NRAP: variants seen among roughly 807,000 people sequenced by gnomAD.
NRAP encodes nebulin-related-anchoring protein.
Under a neutral mutation model 225.9 loss-of-function variants are expected in NRAP, and 189 were observed. The observed-to-expected ratio is 0.84, with a 90% CI of 0.74 to 0.94. The LOEUF (loss-of-function observed/expected upper bound fraction) is 0.94, where lower values mean the gene tolerates loss of function less well. Ranked by LOEUF, NRAP falls within the 40% of genes least tolerant of loss-of-function variation. The pLI, the probability that NRAP is intolerant of heterozygous loss-of-function variation, is 0.00. For missense variants in NRAP, 2,176 were observed against 2,168.7 expected, an observed-to-expected ratio of 1.00 and a Z score of -0.07; for synonymous variants, 769 against 790.7, an observed-to-expected ratio of 0.97 and a Z score of 0.46.
intron 11 of NRAP, among the ~76,000 whole-genome samples, chr10:113,643,308 C>T (rs1849315345): frequency 6.6e-6 from 1 of 152,110 alleles, no homozygotes; most frequent in Non-Finnish European, 1.5e-5. Context: ...CAAAAAATGG[C>T]AAAACTGGTT....
chr10:113,644,268 G>GATACTT (rs1849376293), intron 11 of NRAP, among the ~76,000 whole-genome samples: 3 of 150,246 alleles, frequency 2.0e-5, no homozygotes, highest in East Asian at 4.0e-4. Context: ...CCCAGAATTA[G>GATACTT]ATACTTTACT....
chr10:113,625,984 C>T (rs1848267242), intron 21 of NRAP, 63 bp downstream of exon 21: 2 of 1,165,776 alleles, frequency 1.7e-6, no homozygotes, highest in East Asian at 2.5e-5. Context: ...TGCTGTTGTC[C>T]CTGGAGGTCC....
intron 12 of NRAP, among the ~76,000 whole-genome samples, chr10:113,642,548 C>G (rs1301491128): frequency 6.6e-6 from 1 of 152,112 alleles, no homozygotes; most frequent in Non-Finnish European, 1.5e-5. Flanking sequence ...TCTGGCTCTC[C>G]AGGTGACTCT....
chr10:113,614,066 C>T (rs931342792), intron 29 of NRAP, 117 bp downstream of exon 29: 3 of 717,812 alleles, frequency 4.2e-6, no homozygotes, highest in Admixed American at 3.9e-5. Flanking sequence ...TGTCACGTAG[C>T]AAGTTAGCAA....
chr10:113,597,335 G>A, intron 36 of NRAP, 151 bp from the exon 37 acceptor site: 1 of 609,344 alleles, frequency 1.6e-6, no homozygotes, highest in South Asian at 1.9e-5. Flanking sequence ...TAACAATCAA[G>A]AGTATAAAAA....
At chr10:113,649,821 A>G (rs982675438) in intron 9 of NRAP, among the ~76,000 whole-genome samples, 1 of 152,210 alleles carries the variant, frequency 6.6e-6, no homozygotes, top group African/African-American at 2.4e-5. Flanking sequence ...ATTAATTTAA[A>G]AAAAGAAAGT....
intron 16 of NRAP, among the ~76,000 whole-genome samples, chr10:113,632,169 G>C (rs1369792376): frequency 6.6e-6 from 1 of 152,178 alleles, no homozygotes; most frequent in African/African-American, 2.4e-5. Context: ...AATGGAATAG[G>C]ACAAAGAGAA....
chr10:113,606,786 AGCCAG>A (rs1251864655), intron 32 of NRAP, among the ~76,000 whole-genome samples: 3 of 152,164 alleles, frequency 2.0e-5, no homozygotes, highest in African/African-American at 7.2e-5. Flanking sequence ...TGGGTCTATG[AGCCAG>A]GCGTGGTGGC....
At chr10:113,647,217 G>GC (rs1849569979) in intron 9 of NRAP, among the ~76,000 whole-genome samples, 190 bp from the exon 10 acceptor site, 2 of 152,088 alleles carry the variant, frequency 1.3e-5, no homozygotes, top group South Asian at 4.1e-4. Flanking sequence ...ACTTACTGGT[G>GC]CCCAGCACAT....
intron 40 of NRAP, 65 bp from the exon 41 acceptor site, chr10:113,589,862 T>A: frequency 6.4e-7 from 1 of 1,553,024 alleles, no homozygotes; most frequent in Non-Finnish European, 8.7e-7. Context: ...GACCATTAAG[T>A]AAAGAAGATT....
At chr10:113,605,329 G>A (rs1846889319) in intron 34 of NRAP, among the ~76,000 whole-genome samples, 1 of 152,182 alleles carries the variant, frequency 6.6e-6, no homozygotes, top group Non-Finnish European at 1.5e-5. Flanking sequence ...CAAAGCTATG[G>A]ACGTTATCAA....
rs149880644 is a variant in NRAP at position 113,633,138 on chromosome 10, G to T, written c.1578C>A (p.Pro526=). The T allele has an allele frequency of 1.1e-4, 178 of 1,610,280 alleles. No individual in the cohort carries two copies. The African/African-American group carries it at 2.2e-3, about 20-fold the overall frequency. Residue 526 remains proline (P), a synonymous_variant, in exon 16 of 42, where the codon CCC becomes CCA. Transcript: ENST00000359988. ...YEKNKLNYTL[P]QDVPQLVKAK... The stretch of plus-strand genomic sequence containing the variant: ...CCTTCACCAGCTGAGGAACATCCTG[G>T]GGCAATGTGTAATTCAACTTATTTT...
Position 113,654,062 on chromosome 10 carries a change from C to T in NRAP, c.424G>A (p.Glu142Lys), listed in dbSNP as rs141144397. 1.6e-4 allele frequency: 261 copies of T among 1,613,782 alleles called. No individual in the cohort carries two copies. Among genetic ancestry groups the T allele is most frequent in the Middle Eastern group, 1.5e-3 (9 of 6,062 alleles). The change falls in exon 5 of 42, where the codon GAA (glutamate) becomes AAA (lysine). Residue 142 changes from glutamate (E) to lysine (K), a missense_variant. Transcript: ENST00000359988. ...AWCPGALPDP[E>K]IVRMVEARKS... ...CGAGCCTCAACCATCCTTACAATTT[C>T]GGGGTCTGGCAGAGCTCCTGGGCAC...
chr10:113,640,785 A>G (rs150693550), intron 13 of NRAP, among the ~76,000 whole-genome samples: 412 of 152,298 alleles, frequency 2.7e-3, no homozygotes, highest in Non-Finnish European at 4.4e-3. Context: ...AGTGTCCTTT[A>G]CCTCCAGGAT....
rs1846380526 is a variant in NRAP at position 113,597,974 on chromosome 10, T to C, written c.4327A>G (p.Ser1443Gly). 1 of 1,609,130 alleles carries C rather than the reference T, an allele frequency of 6.2e-7. No homozygotes were observed. The highest frequency in any genetic ancestry group is 8.5e-7 in the Non-Finnish European group (1 of 1,175,524). Residue 1443 changes from serine (S) to glycine (G), a missense_variant, in exon 36 of 42, where the codon AGC becomes GGC. By Grantham distance (56) the Ser-to-Gly change is moderately conservative. Transcript: ENST00000359988. ...TGGGGACAGGTTGATGGTACCTCGCTGATGAGTTCTCCAGCCTTCTTTGCA... is the reference window on the plus strand; with the variant it reads ...TGGGGACAGGTTGATGGTACCTCGCCGATGAGTTCTCCAGCCTTCTTTGCA... ...ESAKKAGELISETKYRKKPDS... is the reference protein window; with the variant it reads ...ESAKKAGELIGETKYRKKPDS...
rs752400930 is a variant in NRAP at position 113,657,624 on chromosome 10, A to C, written c.256-50T>G. The C allele has an allele frequency of 2.9e-6, 3 of 1,040,236 alleles. No homozygotes were observed. In the East Asian group the frequency reaches 7.2e-5, roughly 25 times the overall value. 64.4% of individuals were successfully genotyped at this position (1,040,236 alleles called of 1,614,324 possible). ...AATGTTTCCATCAGAAAAGAGAAAA[A>C]AACATAGACAAACAATTCCTAGCTA... On this transcript the variant is annotated intron_variant, in intron 3 of 41. Coordinates refer to ENST00000359988, the MANE Select transcript of NRAP (RefSeq NM_198060.4).
At chr10:113,632,362 T>C (rs547183799) in intron 16 of NRAP, among the ~76,000 whole-genome samples, 4 of 152,370 alleles carry the variant, frequency 2.6e-5, no homozygotes, top group African/African-American at 7.2e-5. Context: ...ATAACATAAG[T>C]GTGGGGTATT....
chr10:113,663,924 A>T lies in NRAP; in HGVS notation c.-42T>A. On this transcript the variant is annotated 5_prime_UTR_variant, in exon 1 of 42. In the 5' UTR this introduces an upstream ATG that the reference lacks. Coordinates refer to ENST00000359988, the MANE Select transcript of NRAP (RefSeq NM_198060.4). ...AGAGGACAAAGATAGGCAACAGGCA[A>T]GAAATGCAAGGAGAACCCCCAGTCT... 1.4e-6 allele frequency: 2 copies of T among 1,474,316 alleles called. No homozygotes were observed. Among genetic ancestry groups the T allele is most frequent in the Non-Finnish European group, 9.5e-7 (1 of 1,052,972 alleles). The allele number at this position is 1,474,316 out of a possible 1,614,324, so 91.3% of individuals were successfully genotyped here.
Position 113,608,421 on chromosome 10 carries a change from G to A in NRAP, c.3695C>T (p.Thr1232Met), listed in dbSNP as rs371753625. The A allele has an allele frequency of 2.3e-5, 37 of 1,605,392 alleles. No homozygotes were observed. The highest frequency in any genetic ancestry group is 1.3e-4 in the Admixed American group (8 of 59,760). The change falls in exon 32 of 42, where the codon ACG (threonine) becomes ATG (methionine). Residue 1232 changes from threonine to methionine, a missense_variant. Transcript: ENST00000359988. Reference protein sequence around the residue: ...LLHAKFSNQITNERLYKAAGE... With the variant: ...LLHAKFSNQIMNERLYKAAGE... ...GCCATCAGGAGATTTTACCTCATTC[G>A]TTATCTGGTTGCTGAATTTCGCATG...
Sources: gnomAD v4.1 joint callset for allele counts (sites outside exome capture counted in the v4.1 genomes callset) on GRCh38, gnomAD v4.1.1 for gene constraint, MANE v1.5 for transcripts, NCBI Gene and HGNC (gene_info 2026-07-23, HGNC 2026-07-21) for gene names.